NR6A1: variants seen among roughly 807,000 people sequenced by gnomAD.
NR6A1 encodes the protein nuclear receptor subfamily 6 group A member 1, also known as retinoic acid receptor-related testis-associated receptor.
In NR6A1, 7 loss-of-function variants were observed where a neutral mutation model predicts 59.1. That is an observed-to-expected ratio of 0.12 (90% CI 0.07 to 0.22). The LOEUF is 0.22. Among genes scored for constraint, NR6A1 ranks in the 10% least tolerant of loss-of-function variants. The pLI is 1.00. For missense variants in NR6A1, 468 were observed against 611.6 expected, an observed-to-expected ratio of 0.77 and a Z score of 2.48; for synonymous variants, 243 against 236.1, an observed-to-expected ratio of 1.03 and a Z score of -0.27.
chr9:124,762,786 T>C (rs796748247), intron 1 of NR6A1, among the ~76,000 whole-genome samples: 9 of 152,342 alleles, frequency 5.9e-5, no homozygotes, highest in African/African-American at 2.2e-4. Flanking sequence ...TTTCAAAATG[T>C]TGACACATTT....
chr9:124,696,328 A>C (rs1283309362), intron 2 of NR6A1, among the ~76,000 whole-genome samples: 2 of 152,184 alleles, frequency 1.3e-5, no homozygotes, highest in Non-Finnish European at 2.9e-5. Flanking sequence ...AGTCAACAGG[A>C]ATGGAATGAA....
chr9:124,639,492 G>A (rs1468672466), intron 2 of NR6A1, among the ~76,000 whole-genome samples: 3 of 152,170 alleles, frequency 2.0e-5, no homozygotes, highest in African/African-American at 7.2e-5. Flanking sequence ...AAGGTCTCAT[G>A]GCTAGTTACC....
chr9:124,716,484 G>A (rs1458397301), intron 2 of NR6A1, among the ~76,000 whole-genome samples: 1 of 152,204 alleles, frequency 6.6e-6, no homozygotes, highest in Admixed American at 6.5e-5. Flanking sequence ...TTAAAGTTCT[G>A]TTCCTCACAA....
chr9:124,660,008 G>T (rs932570801), intron 2 of NR6A1, among the ~76,000 whole-genome samples: 2 of 151,986 alleles, frequency 1.3e-5, no homozygotes, highest in Admixed American at 6.6e-5. Flanking sequence ...GAATGCACTT[G>T]GGGGAAAAAA....
chr9:124,665,388 T>C (rs1265082791), intron 2 of NR6A1, among the ~76,000 whole-genome samples: 1 of 152,142 alleles, frequency 6.6e-6, no homozygotes, highest in Non-Finnish European at 1.5e-5. Flanking sequence ...AGACTTTCAA[T>C]GGAGTCATCA....
chr9:124,663,275 C>T lies in NR6A1; in HGVS notation c.142+70033G>A, dbSNP rs148364660. Among the ~76,000 whole-genome samples the T allele has an allele frequency of 5.5e-3, 843 of 152,300 alleles. 7 individuals are homozygous for T. The highest frequency in any genetic ancestry group is 0.019 in the African/African-American group (799 of 41,550). ...AGCCAAAGGACTTCTATGATGACCA[C>T]GTCTTAACCCCCAAATCTACCATCA... On this transcript the variant is annotated intron_variant, in intron 2 of 9. Coordinates refer to ENST00000487099, the MANE Select transcript of NR6A1 (RefSeq NM_033334.4).
rs1030549194 is a variant in NR6A1, at chr9:124,519,073, C to G, written c.*3632G>C. ...ACAAACAAATGTAGGAAATGGGTAA[C>G]AGAGCAATGCACCTAGCTCAGAGCC... On this transcript the variant is annotated 3_prime_UTR_variant, in exon 10 of 10. Coordinates refer to ENST00000487099, the MANE Select transcript of NR6A1 (RefSeq NM_033334.4). The G allele has an allele frequency of 6.6e-6, 1 of 152,230 alleles. No homozygotes were observed. Among genetic ancestry groups the G allele is most frequent in the African/African-American group, 2.4e-5 (1 of 41,450 alleles). 9.4% of individuals were successfully genotyped at this position (152,230 alleles called of 1,614,324 possible). A position where few individuals can be genotyped will look rare whatever the true frequency, so the allele number is the denominator to read the frequency against.
At chr9:124,611,774 A>AGAGAAT (rs1554733166) in intron 2 of NR6A1, among the ~76,000 whole-genome samples, 18 of 105,716 alleles carry the variant, frequency 1.7e-4, no homozygotes, top group African/African-American at 4.6e-4. Flanking sequence ...AGAGAGAGAG[A>AGAGAAT]GAGAGAGAAT....
chr9:124,642,868 T>C (rs1221054205), intron 2 of NR6A1, among the ~76,000 whole-genome samples: 1 of 152,064 alleles, frequency 6.6e-6, no homozygotes, highest in Non-Finnish European at 1.5e-5. Context: ...CTAGTCCTAC[T>C]AAAGAAATAA....
At chr9:124,622,252 T>G (rs1224830826) in intron 2 of NR6A1, among the ~76,000 whole-genome samples, 3 of 152,214 alleles carry the variant, frequency 2.0e-5, no homozygotes, top group African/African-American at 7.2e-5. Flanking sequence ...TCCCACGCTC[T>G]TCTCCAGTTT....
chr9:124,707,550 CT>C lies in NR6A1; in HGVS notation c.142+25757del, dbSNP rs796744242. 5.3e-5 allele frequency among the ~76,000 whole-genome samples: 8 copies of C among 149,926 alleles called. No individual in the cohort carries two copies. The South Asian group carries it at 1.3e-3, about 24-fold the overall frequency. Reference sequence around the variant, plus strand: ...TTTTCTTTCCTTAGTATGGGTCAAACTTTGTTTCTCTACATGTCTTTTAATT... The same window carrying C: ...TTTTCTTTCCTTAGTATGGGTCAAACTTGTTTCTCTACATGTCTTTTAATT... On this transcript the variant is annotated intron_variant, in intron 2 of 9. Coordinates refer to ENST00000487099, the MANE Select transcript of NR6A1 (RefSeq NM_033334.4).
At chr9:124,665,215 G>A (rs931098365) in intron 2 of NR6A1, among the ~76,000 whole-genome samples, 4 of 151,268 alleles carry the variant, frequency 2.6e-5, no homozygotes, top group African/African-American at 4.9e-5. Flanking sequence ...ATAAATAAAC[G>A]GCAGTGAGCT....
Position 124,771,102 on chromosome 9 carries a change from C to T in NR6A1, c.18G>A (p.Pro6=). 5 of 1,229,828 alleles carry T rather than the reference C, an allele frequency of 4.1e-6. No individual in the cohort carries two copies. The highest frequency in any genetic ancestry group is 5.1e-6 in the Non-Finnish European group (5 of 986,336). 76.2% of individuals were successfully genotyped at this position (1,229,828 alleles called of 1,614,324 possible). A position where few individuals can be genotyped will look rare whatever the true frequency, so the allele number is the denominator to read the frequency against. The change falls in exon 1 of 10, where the codon CCG becomes CCA. Residue 6 remains proline (P), a synonymous_variant. Coordinates refer to ENST00000487099, the MANE Select transcript of NR6A1 (RefSeq NM_033334.4). The stretch of plus-strand genomic sequence containing the variant: ...CGCCGCCTCCCCCTCCGCTAGGCGG[C>T]GGTTCGTCCCGCTCCATGCGGTGGT... MERDE[P]PPSGGGGGGG...
At chr9:124,654,872 T>C (rs564213159) in intron 2 of NR6A1, among the ~76,000 whole-genome samples, 1 of 49,718 alleles carries the variant, frequency 2.0e-5, no homozygotes, top group Non-Finnish European at 3.9e-5. Context: ...TTTTTTTTTT[T>C]TGTACACACA....
chr9:124,672,421 C>T (rs771508053), intron 2 of NR6A1, among the ~76,000 whole-genome samples: 15 of 151,996 alleles, frequency 9.9e-5, no homozygotes, highest in Non-Finnish European at 1.9e-4. Flanking sequence ...TCTAGACCAG[C>T]CTGGCCAACA....
intron 2 of NR6A1, among the ~76,000 whole-genome samples, chr9:124,729,763 T>C (rs1839829609): frequency 6.6e-6 from 1 of 152,290 alleles, no homozygotes; most frequent in South Asian, 2.1e-4. Flanking sequence ...ACATGCTCAT[T>C]TGAACCCCAA....
chr9:124,537,225 G>A (rs559900812), intron 6 of NR6A1, among the ~76,000 whole-genome samples: 38 of 152,232 alleles, frequency 2.5e-4, no homozygotes, highest in African/African-American at 8.9e-4. Flanking sequence ...GAGTAGCTGC[G>A]ATTACAGGCG....
intron 1 of NR6A1, among the ~76,000 whole-genome samples, chr9:124,733,963 TTGTC>T (rs1338482761): frequency 6.6e-6 from 1 of 152,220 alleles, no homozygotes; most frequent in Non-Finnish European, 1.5e-5. Context: ...TGAGCTATAT[TTGTC>T]TGGCTGGTAT....
chr9:124,539,930 G>A (rs1234200627), intron 5 of NR6A1, 103 bp downstream of exon 5: 17 of 1,347,554 alleles, frequency 1.3e-5, no homozygotes, highest in Non-Finnish European at 1.7e-5. Context: ...ACAGTACAAT[G>A]GCTGAGACAG....
Sources: gnomAD v4.1 joint callset for allele counts (sites outside exome capture counted in the v4.1 genomes callset) on GRCh38, gnomAD v4.1.1 for gene constraint, MANE v1.5 for transcripts, NCBI Gene and HGNC (gene_info 2026-07-23, HGNC 2026-07-21) for gene names.